Variants in SOX5 observed in about 807,000 individuals in gnomAD.
SOX5 encodes transcription factor SOX-5.
SOX5 carries 9 observed loss-of-function variants against 92.0 expected under a neutral mutation model. The observed-to-expected ratio is 0.10, with a 90% confidence interval of 0.06 to 0.17. SOX5 has a LOEUF of 0.17. Among genes scored for constraint, SOX5 ranks in the 10% least tolerant of loss-of-function variants. The pLI is 1.00. For missense variants in SOX5, 642 were observed against 944.5 expected (o/e 0.68, Z 4.20); for synonymous variants, 344 against 336.3 (o/e 1.02, Z -0.25).
intron 4 of SOX5, 122 bp downstream of exon 4, chr12:23,755,516 C>G: frequency 1.4e-6 from 1 of 690,088 alleles, no homozygotes; most frequent in South Asian, 1.8e-5. Context: ...AGAAGAAACC[C>G]TAAACACAGA....
At chr12:24,366,333 A>G (rs1447705319) in intron 2 of SOX5, among the ~76,000 whole-genome samples, 1 of 152,160 alleles carries the variant, frequency 6.6e-6, no homozygotes, top group Non-Finnish European at 1.5e-5. Context: ...CTCTGCTCCA[A>G]GAGAGGGGCA....
intron 6 of SOX5, among the ~76,000 whole-genome samples, chr12:23,711,146 T>C (rs1254411947): frequency 1.3e-5 from 2 of 152,240 alleles, no homozygotes; most frequent in African/African-American, 4.8e-5. Context: ...AGTCTATTTC[T>C]ATGTTGCCTT....
intron 4 of SOX5, among the ~76,000 whole-genome samples, chr12:24,107,656 G>A (rs899271240): frequency 6.6e-6 from 1 of 152,202 alleles, no homozygotes; most frequent in Non-Finnish European, 1.5e-5. Flanking sequence ...TTTAAAAGGA[G>A]TTCCTGCATC....
chr12:23,652,803 T>C (rs1264224026), intron 7 of SOX5, among the ~76,000 whole-genome samples: 2 of 152,068 alleles, frequency 1.3e-5, no homozygotes, highest in Non-Finnish European at 2.9e-5. Context: ...TCTCCCAGGC[T>C]CTAGTCCTCT....
At chr12:24,546,050 G>A (rs1412611807) in intron 1 of SOX5, among the ~76,000 whole-genome samples, 4 of 152,128 alleles carry the variant, frequency 2.6e-5, no homozygotes, top group African/African-American at 9.7e-5. Flanking sequence ...TAGGTCTCCG[G>A]GAAACTCTGA....
chr12:23,938,204 T>C (rs141446973), intron 1 of SOX5, among the ~76,000 whole-genome samples: 35 of 151,196 alleles, frequency 2.3e-4, no homozygotes, highest in African/African-American at 8.2e-4. Flanking sequence ...CAACAGATTA[T>C]ATCAGTGAAA....
Position 23,557,110 on chromosome 12 carries a change from T to C in SOX5, c.1488+6148A>G, listed in dbSNP as rs191266163. 1.3e-3 allele frequency among the ~76,000 whole-genome samples: 200 copies of C among 152,286 alleles called. 1 individual carries two copies. Among genetic ancestry groups the C allele is most frequent in the Non-Finnish European group, 2.3e-3 (158 of 68,020 alleles). On this transcript the variant is annotated intron_variant, in intron 11 of 14. Transcript: ENST00000451604. ...AAAGGGAAAGAAAAGGGTTGGACAA[T>C]GGCAGGAAAGAGGTGGTTGTAATGG...
intron 3 of SOX5, among the ~76,000 whole-genome samples, chr12:23,784,371 G>A (rs759800922): frequency 7.2e-5 from 11 of 151,826 alleles, no homozygotes; most frequent in Non-Finnish European, 1.5e-4. Context: ...CTGTCACCCA[G>A]GCTGGAGCGC....
intron 2 of SOX5, among the ~76,000 whole-genome samples, chr12:24,333,161 A>C (rs1252790544): frequency 3.3e-5 from 5 of 152,112 alleles, no homozygotes; most frequent in African/African-American, 1.2e-4. Context: ...AAGATAATGA[A>C]ATATCAAAAA....
intron 4 of SOX5, among the ~76,000 whole-genome samples, chr12:23,983,530 G>A (rs1269917859): frequency 6.6e-6 from 1 of 152,176 alleles, no homozygotes; most frequent in Non-Finnish European, 1.5e-5. Flanking sequence ...TTAGTGAGTG[G>A]TTGGGCTAGA....
At chr12:23,753,530 A>G (rs141631393) in intron 4 of SOX5, among the ~76,000 whole-genome samples, 2 of 152,016 alleles carry the variant, frequency 1.3e-5, no homozygotes, top group African/African-American at 4.8e-5. Context: ...TTTTAAATTA[A>G]CCTTCATAAA....
At chr12:24,263,532 A>AAC (rs1436086997) in intron 3 of SOX5, among the ~76,000 whole-genome samples, 1 of 139,504 alleles carries the variant, frequency 7.2e-6, no homozygotes, top group Non-Finnish European at 1.5e-5. Context: ...CGTCTCAAAA[A>AAC]AAAAAAAACA....
chr12:24,489,907 C>T (rs1482298427), intron 1 of SOX5, among the ~76,000 whole-genome samples: 3 of 152,206 alleles, frequency 2.0e-5, no homozygotes, highest in Non-Finnish European at 2.9e-5. Flanking sequence ...GCCTGAGAAA[C>T]GTAGTCCAGA....
chr12:24,000,769 T>A (rs79311726), intron 4 of SOX5, among the ~76,000 whole-genome samples: 2,078 of 152,196 alleles, frequency 0.014, 63 homozygotes, highest in African/African-American at 0.048. Flanking sequence ...AATGCAAGAT[T>A]TTTTTAAAAA....
At chr12:23,636,040 T>C (rs1486460162) in intron 8 of SOX5, among the ~76,000 whole-genome samples, 3 of 152,138 alleles carry the variant, frequency 2.0e-5, no homozygotes, top group Non-Finnish European at 4.4e-5. Flanking sequence ...ATGAGTTCCA[T>C]TTTGGACTCA....
In SOX5 at chr12:24,252,681, C is replaced by T. The variant is rs551247741; in HGVS notation, c.-77+24535G>A. ...GGGAGGAAATTGTTGAATTCTGTGT[C>T]TATGCTTTAAAAAAAAAAAAAAAAA... is the stretch of plus-strand genomic sequence containing the variant. On this transcript the variant is annotated intron_variant, in intron 3 of 4. Transcript: ENST00000446891. 3.4e-5 allele frequency among the ~76,000 whole-genome samples: 5 copies of T among 146,012 alleles called. No individual in the cohort carries two copies. The East Asian group carries it at 9.9e-4, about 29-fold the overall frequency.
chr12:24,078,795 G>C (rs1942970857), intron 4 of SOX5, among the ~76,000 whole-genome samples: 1 of 151,978 alleles, frequency 6.6e-6, no homozygotes, highest in Admixed American at 6.6e-5. Flanking sequence ...AAGGGTTTTC[G>C]AAAACTTTAT....
At chr12:23,992,423 T>C (rs761632751) in intron 4 of SOX5, among the ~76,000 whole-genome samples, 1 of 152,144 alleles carries the variant, frequency 6.6e-6, no homozygotes, top group Non-Finnish European at 1.5e-5. Context: ...AAACAAACTA[T>C]TAAAAAGACA....
In SOX5 at chr12:24,054,045, C is replaced by A. The variant is rs191586007; in HGVS notation, c.-1-158021G>T. Among the ~76,000 whole-genome samples, 902 of 152,184 alleles carry A rather than the reference C, an allele frequency of 5.9e-3. 11 individuals carry two copies. Among genetic ancestry groups the A allele is most frequent in the African/African-American group, 0.021 (852 of 41,504 alleles). ...GCACTACAAAATCACTGTCATTGTGCGTCAAGAAAAATCGAAAGATGCAAC... is the reference window on the plus strand; with the variant it reads ...GCACTACAAAATCACTGTCATTGTGAGTCAAGAAAAATCGAAAGATGCAAC... On this transcript the variant is annotated intron_variant, in intron 4 of 4. Transcript: ENST00000446891.
Sources: allele counts gnomAD v4.1 joint callset (sites outside exome capture counted in the v4.1 genomes callset), GRCh38; gene constraint gnomAD v4.1.1; transcripts MANE v1.5; gene names NCBI Gene and HGNC (gene_info 2026-07-23, HGNC 2026-07-21).